Variants in MYO1B observed in about 807,000 individuals in gnomAD.
MYO1B encodes the protein myosin IB, also known as unconventional myosin-Ib.
MYO1B carries 72 observed loss-of-function variants against 159.7 expected under a neutral mutation model. That is an observed-to-expected ratio of 0.45 (90% confidence interval 0.37 to 0.55). MYO1B has a LOEUF of 0.55. Among genes scored for constraint, MYO1B ranks in the 20% least tolerant of loss-of-function variants. The pLI, the probability that MYO1B is intolerant of heterozygous loss-of-function variation, is 0.00. For synonymous variants in MYO1B, 468 were observed against 473.8 expected, an observed-to-expected ratio of 0.99 and a Z score of 0.16; for missense variants, 1,062 against 1,364.8, an observed-to-expected ratio of 0.78 and a Z score of 3.50.
chr2:191,323,466 T>A (rs1029315778), intron 3 of MYO1B, among the ~76,000 whole-genome samples: 3 of 152,148 alleles, frequency 2.0e-5, no homozygotes, highest in Non-Finnish European at 4.4e-5. Flanking sequence ...TATATACACA[T>A]AACATTCAGA....
intron 1 of MYO1B, among the ~76,000 whole-genome samples, chr2:191,268,465 G>GGGA (rs1028363908): frequency 6.6e-6 from 1 of 152,188 alleles, no homozygotes. Context: ...AATAGATTTT[G>GGGA]GGAGGACGCA....
intron 3 of MYO1B, among the ~76,000 whole-genome samples, chr2:191,317,186 A>G (rs1028458931): frequency 6.6e-6 from 1 of 152,120 alleles, no homozygotes; most frequent in Non-Finnish European, 1.5e-5. Context: ...ATCCTGTCCA[A>G]TGCTGGGCAC....
At position 191,402,403 on chromosome 2, in the gene MYO1B, A is replaced by G. The variant is rs1273389645; in HGVS notation, c.2470-229A>G. On this transcript the variant is annotated intron_variant, in intron 23 of 30. Coordinates refer to ENST00000392318, the MANE Select transcript of MYO1B (RefSeq NM_001130158.3). ...GGGGTGGGAAATGATTACCTTGGGA[A>G]CCACACAGATTGTCCTTCTCTGGAA... The G allele has an allele frequency of 9.3e-6, 5 of 538,416 alleles. No individual in the cohort carries two copies. The East Asian group carries it at 1.3e-4, about 14-fold the overall frequency. 33.4% of individuals were successfully genotyped at this position (538,416 alleles called of 1,614,324 possible).
chr2:191,342,539 G>C (rs1692288233), intron 5 of MYO1B, among the ~76,000 whole-genome samples: 1 of 152,144 alleles, frequency 6.6e-6, no homozygotes. Flanking sequence ...TTTCCCTACT[G>C]ATGGCAAGCT....
chr2:191,416,961 A>G (rs887509990), intron 30 of MYO1B, among the ~76,000 whole-genome samples: 1 of 152,212 alleles, frequency 6.6e-6, no homozygotes, highest in African/African-American at 2.4e-5. Context: ...CCCCAGATTT[A>G]TTGTATCTAT....
chr2:191,294,867 C>A (rs1688888914), intron 2 of MYO1B, among the ~76,000 whole-genome samples: 1 of 151,496 alleles, frequency 6.6e-6, no homozygotes, highest in African/African-American at 2.4e-5. Context: ...TCATTGTGAC[C>A]CCTGTAAAAA....
intron 13 of MYO1B, among the ~76,000 whole-genome samples, chr2:191,373,691 C>T (rs532050003): frequency 1.5e-3 from 223 of 152,318 alleles, no homozygotes; most frequent in Non-Finnish European, 2.8e-3. Flanking sequence ...AGGAAAATCG[C>T]TTGAACCTGG....
At chr2:191,360,463 C>T (rs1693590340) in intron 7 of MYO1B, among the ~76,000 whole-genome samples, 168 bp from the exon 8 acceptor site, 1 of 152,128 alleles carries the variant, frequency 6.6e-6, no homozygotes, top group Non-Finnish European at 1.5e-5. Context: ...TGGTGATTTT[C>T]ATTAGAGTTG....
Position 191,411,014 on chromosome 2 carries a change from A to G in MYO1B, c.2767-52A>G, listed in dbSNP as rs542098419. ...GTCTTAGCATATTTAAGAATGAGTA[A>G]TAATTTATTTATATAAATGATGTTT... On this transcript the variant is annotated intron_variant, in intron 26 of 30. Coordinates refer to ENST00000392318, the MANE Select transcript of MYO1B (RefSeq NM_001130158.3). The G allele has an allele frequency of 9.5e-6, 10 of 1,049,002 alleles. No individual in the cohort carries two copies. In the Admixed American group the frequency reaches 1.3e-4, roughly 14 times the overall value. 65.0% of individuals were successfully genotyped at this position (1,049,002 alleles called of 1,614,324 possible).
chr2:191,303,188 T>C (rs891393940), intron 3 of MYO1B, among the ~76,000 whole-genome samples: 1 of 152,202 alleles, frequency 6.6e-6, no homozygotes, highest in Admixed American at 6.5e-5. Flanking sequence ...GTAGTCAGTT[T>C]TTTTTTTCTG....
chr2:191,375,507 A>AGATG (rs1250410793), intron 13 of MYO1B, among the ~76,000 whole-genome samples: 7 of 151,562 alleles, frequency 4.6e-5, no homozygotes, highest in African/African-American at 1.7e-4. Flanking sequence ...ATAGATAGAT[A>AGATG]GATAGATGGA....
chr2:191,364,836 A>T (rs938128765), intron 11 of MYO1B, among the ~76,000 whole-genome samples: 3 of 150,386 alleles, frequency 2.0e-5, no homozygotes, highest in African/African-American at 7.6e-5. Flanking sequence ...TAGAGGCTAC[A>T]GGACTTGCTG....
At chr2:191,356,469 C>T (rs1060425) in intron 7 of MYO1B, among the ~76,000 whole-genome samples, 1 of 150,872 alleles carries the variant, frequency 6.6e-6, no homozygotes. Context: ...AATGCTGTGA[C>T]TTCGTAATGG....
chr2:191,280,686 C>G (rs1434206049), intron 2 of MYO1B, among the ~76,000 whole-genome samples: 1 of 152,088 alleles, frequency 6.6e-6, no homozygotes, highest in African/African-American at 2.4e-5. Context: ...CAGATTTTTC[C>G]AAAGTAGATA....
chr2:191,276,875 T>G lies in MYO1B; in HGVS notation c.-9-12T>G. 1 of 1,588,496 alleles carries G rather than the reference T, an allele frequency of 6.3e-7. No homozygotes were observed. The highest frequency in any genetic ancestry group is 8.5e-7 in the Non-Finnish European group (1 of 1,171,088). ...GCTCGTTTAAATTGACCCCTTTCCC[T>G]CTCTTCTGCAGCTGGAGACCATGGC... On this transcript the variant is annotated splice_polypyrimidine_tract_variant and intron_variant, in intron 1 of 30. Coordinates refer to ENST00000392318, the MANE Select transcript of MYO1B (RefSeq NM_001130158.3).
At chr2:191,347,486 T>TAC (rs1054854606) in intron 6 of MYO1B, among the ~76,000 whole-genome samples, 1 of 152,224 alleles carries the variant, frequency 6.6e-6, no homozygotes, top group Admixed American at 6.5e-5. Context: ...GCAAATTACA[T>TAC]ACACACACAG....
chr2:191,418,299 T>C (rs934937138), intron 30 of MYO1B, among the ~76,000 whole-genome samples: 1 of 152,092 alleles, frequency 6.6e-6, no homozygotes. Flanking sequence ...CCTAAGTGGC[T>C]TCGCTAGCTC....
chr2:191,411,081 G>A lies in MYO1B; in HGVS notation c.2782G>A (p.Asp928Asn), dbSNP rs1697225715. The change falls in exon 27 of 31, where the codon GAC (aspartate) becomes AAC (asparagine). Residue 928 changes from aspartate to asparagine, a missense_variant. Asp to Asn is a conservative substitution (Grantham distance 23, BLOSUM62 1). This residue lies in a region of MYO1B where 609 missense variants were observed against 744.4 expected (regional missense o/e 0.82). Transcript: ENST00000392318. The stretch of plus-strand genomic sequence containing the variant: ...TATCTCACAGTGTAAAAAATACAGG[G>A]ACCAATTCACAGACCAGCAGAAACT... ...FHLWRCKKYR[D>N]QFTDQQKLIY... The A allele has an allele frequency of 6.2e-7, 1 of 1,604,398 alleles. No homozygotes were observed. Among genetic ancestry groups the A allele is most frequent in the Non-Finnish European group, 8.5e-7 (1 of 1,175,982 alleles).
intron 4 of MYO1B, among the ~76,000 whole-genome samples, chr2:191,330,415 G>C (rs1691394473): frequency 6.6e-6 from 1 of 152,172 alleles, no homozygotes; most frequent in African/African-American, 2.4e-5. Flanking sequence ...TTGCTAAAAA[G>C]TGAGGGAAGA....
Sources: gnomAD v4.1 joint callset for allele counts (sites outside exome capture counted in the v4.1 genomes callset) on GRCh38, gnomAD v4.1.1 for gene constraint, gnomAD v4.1.1 regional missense constraint, MANE v1.5 for transcripts, NCBI Gene and HGNC (gene_info 2026-07-23, HGNC 2026-07-21) for gene names.